Variants in CPAMD8 observed in about 807,000 individuals in gnomAD.
CPAMD8 encodes the protein C3 and PZP-like alpha-2-macroglobulin domain-containing protein 8.
In CPAMD8, 146 loss-of-function variants were observed where a neutral mutation model predicts 224.7. That is an observed-to-expected ratio of 0.65 (90% CI 0.57 to 0.75). The LOEUF is 0.75. Among genes scored for constraint, CPAMD8 ranks in the 30% least tolerant of loss-of-function variants. CPAMD8 has a pLI of 0.00. For synonymous variants in CPAMD8, 966 were observed against 1,044.6 expected (o/e 0.92, Z 1.45); for missense variants, 2,301 against 2,537.5 (o/e 0.91, Z 2.00).
chr19:17,016,595 T>C (rs2056818264), intron 3 of CPAMD8, among the ~76,000 whole-genome samples: 1 of 152,080 alleles, frequency 6.6e-6, no homozygotes, highest in Admixed American at 6.6e-5. Context: ...ACCCCACCTC[T>C]ATTGAAAATA....
intron 17 of CPAMD8, among the ~76,000 whole-genome samples, chr19:16,971,709 A>C (rs555295997): frequency 6.6e-6 from 1 of 152,260 alleles, no homozygotes; most frequent in East Asian, 1.9e-4. Context: ...AATGCCACTG[A>C]ATTTTAAACG....
At chr19:16,929,319 G>C in intron 23 of CPAMD8, 79 bp from the exon 24 acceptor site, 3 of 1,189,264 alleles carry the variant, frequency 2.5e-6, no homozygotes, top group East Asian at 2.4e-5. Flanking sequence ...CTGGAGGTGA[G>C]CACCAGGACC....
At chr19:17,000,220 AAGGCGAGAGGATCGCTTGAGCCC>A (rs1229047590) in intron 10 of CPAMD8, 171 bp downstream of exon 10, 1 of 455,448 alleles carries the variant, frequency 2.2e-6, no homozygotes, top group East Asian at 3.3e-5. Context: ...TTTGGGGGCA[AAGGCGAGAGGATCGCTTGAGCCC>A]AGGAGTTCAA....
chr19:16,974,547 C>T (rs139756099), intron 17 of CPAMD8, among the ~76,000 whole-genome samples: 118 of 152,088 alleles, frequency 7.8e-4, no homozygotes, highest in African/African-American at 2.6e-3. Flanking sequence ...TGTCATAACA[C>T]GTCCCATCAC....
At chr19:16,964,585 A>G (rs923324289) in intron 18 of CPAMD8, among the ~76,000 whole-genome samples, 5 of 152,184 alleles carry the variant, frequency 3.3e-5, no homozygotes, top group Non-Finnish European at 5.9e-5. Flanking sequence ...GACCAGAAGG[A>G]TTCACAGCTG....
At chr19:16,990,569 T>C (rs2055903370) in intron 12 of CPAMD8, among the ~76,000 whole-genome samples, 1 of 151,854 alleles carries the variant, frequency 6.6e-6, no homozygotes, top group Admixed American at 6.6e-5. Context: ...TGAAATAATT[T>C]TAAAAAGAAG....
intron 30 of CPAMD8, among the ~76,000 whole-genome samples, chr19:16,905,177 G>A (rs2052421052): frequency 6.6e-6 from 1 of 152,030 alleles, no homozygotes. Context: ...GAAGGCAGAG[G>A]TTGCAGTGAG....
chr19:16,895,541 T>C (rs920631853), intron 41 of CPAMD8: 2 of 223,008 alleles, frequency 9.0e-6, no homozygotes, highest in African/African-American at 4.6e-5. Flanking sequence ...AGAGATGAAG[T>C]TATGGAAGAG....
chr19:17,017,095 G>A (rs996003404), intron 3 of CPAMD8, among the ~76,000 whole-genome samples: 2 of 152,054 alleles, frequency 1.3e-5, no homozygotes, highest in African/African-American at 2.4e-5. Flanking sequence ...CCTAAGCTCC[G>A]CCTCCCATCA....
At chr19:16,980,003 C>G (rs73505519) in intron 14 of CPAMD8, among the ~76,000 whole-genome samples, 3,581 of 152,236 alleles carry the variant, frequency 0.024, 131 homozygotes, top group African/African-American at 0.081. Context: ...CAGCACCCTA[C>G]AGTGCACAGG....
intron 18 of CPAMD8, among the ~76,000 whole-genome samples, chr19:16,958,844 G>A (rs2054558059): frequency 6.8e-6 from 1 of 148,072 alleles, no homozygotes. Flanking sequence ...TTGTCACCCA[G>A]GCTGGAGTGC....
At chr19:16,987,152 C>CAAAAAAAAAAAAA (rs1214757739) in intron 13 of CPAMD8, among the ~76,000 whole-genome samples, 1 of 23,014 alleles carries the variant, frequency 4.3e-5, no homozygotes, top group African/African-American at 1.3e-4. Context: ...GAGACTCTGT[C>CAAAAAAAAAAAAA]AAAAAAAAAA....
At chr19:16,924,348 G>C (rs2053282223) in intron 26 of CPAMD8, among the ~76,000 whole-genome samples, 1 of 152,096 alleles carries the variant, frequency 6.6e-6, no homozygotes, top group Admixed American at 6.6e-5. Context: ...GTCCCCTGGA[G>C]GTACAGGCTG....
chr19:16,989,859 G>GAAAC (rs2055878491), intron 12 of CPAMD8, 88 bp from the exon 13 acceptor site: 2 of 1,260,272 alleles, frequency 1.6e-6, no homozygotes, highest in African/African-American at 3.0e-5. Context: ...CTGCCCAGAA[G>GAAAC]AAACACCCTC....
chr19:16,998,555 A>G (rs2056208101), intron 10 of CPAMD8, among the ~76,000 whole-genome samples: 1 of 152,168 alleles, frequency 6.6e-6, no homozygotes, highest in Non-Finnish European at 1.5e-5. Flanking sequence ...TGGGAAAGGG[A>G]CTGAGAAGGA....
In CPAMD8 at chr19:16,899,535, C is replaced by T. The variant is rs1249976645; in HGVS notation, c.4788G>A (p.Lys1596=). The part of the protein sequence containing the change: ...IESLEQLLLD[K]HMGMKRYEVA... ...CTTCATACCTCTTCATCCCCATGTG[C>T]TTGTCAAGGAGCAGCTGCAGAGGAA... Residue 1596 remains lysine (K), a synonymous_variant, in exon 37 of 42, where the codon AAG becomes AAA. Transcript: ENST00000443236. This position sits in a 1 kb window ranked among gnomAD's most constrained non-coding sequence, Gnocchi z 5.4. 5.8e-6 allele frequency: 9 copies of T among 1,552,674 alleles called. No individual in the cohort carries two copies. Among genetic ancestry groups the T allele is most frequent in the Non-Finnish European group, 8.0e-6 (9 of 1,124,444 alleles).
intron 1 of CPAMD8, among the ~76,000 whole-genome samples, chr19:17,025,986 C>G (rs984400552): frequency 3.3e-5 from 5 of 152,252 alleles, no homozygotes; most frequent in Non-Finnish European, 5.9e-5. Flanking sequence ...GGGCAGCCCC[C>G]CTGAACCCGC....
Position 17,008,061 on chromosome 19 carries a change from C to T in CPAMD8, c.559+444G>A, listed in dbSNP as rs112870310. ...CCATGCACCTGTAATCCCAGCTACT[C>T]GGTAGGCTGAGGCAGGAGACGCTCT... On this transcript the variant is annotated intron_variant, in intron 7 of 41. Coordinates refer to ENST00000443236, the MANE Select transcript of CPAMD8 (RefSeq NM_015692.5). Among the ~76,000 whole-genome samples the T allele has an allele frequency of 6.2e-4, 94 of 152,270 alleles. No homozygotes were observed. The Middle Eastern group carries it at 0.017, about 28-fold the overall frequency.
chr19:16,914,616 G>A (rs531257143), intron 28 of CPAMD8, 41 bp downstream of exon 28: 2 of 1,613,396 alleles, frequency 1.2e-6, no homozygotes, highest in South Asian at 1.1e-5. Flanking sequence ...GCTCTGGGAG[G>A]AGGTGAGGGG....
Sources: gnomAD v4.1 joint callset for allele counts (sites outside exome capture counted in the v4.1 genomes callset) on GRCh38, gnomAD v4.1.1 for gene constraint, Gnocchi (gnomAD v3.1) non-coding constraint, MANE v1.5 for transcripts, NCBI Gene and HGNC (gene_info 2026-07-23, HGNC 2026-07-21) for gene names.